Variants in CRPPA observed in about 807,000 individuals in gnomAD.
The protein encoded by CRPPA is D-ribitol-5-phosphate cytidylyltransferase.
A neutral mutation model predicts 52.0 loss-of-function variants in CRPPA; 43 were observed. That is an observed-to-expected ratio of 0.83 (90% CI 0.65 to 1.07). The LOEUF (loss-of-function observed/expected upper bound fraction) is 1.07, where lower values mean the gene tolerates loss of function less well. Ranked by LOEUF, CRPPA falls within the 50% of genes least tolerant of loss-of-function variation. CRPPA has a pLI of 0.00. For missense variants in CRPPA, 629 were observed against 551.7 expected, an observed-to-expected ratio of 1.14 and a Z score of -1.40; for synonymous variants, 250 against 203.5, an observed-to-expected ratio of 1.23 and a Z score of -1.94.
At chr7:16,265,106 T>C (rs894344637) in intron 6 of CRPPA, among the ~76,000 whole-genome samples, 2 of 152,216 alleles carry the variant, frequency 1.3e-5, no homozygotes, top group Admixed American at 1.3e-4. Flanking sequence ...CTGGTAGAGT[T>C]GTAAGCTAAT....
chr7:16,243,384 G>T (rs2128407206), intron 8 of CRPPA, among the ~76,000 whole-genome samples: 1 of 152,094 alleles, frequency 6.6e-6, no homozygotes, highest in Middle Eastern at 3.4e-3. Context: ...ACAGATGATG[G>T]TAAAAATCTG....
chr7:16,342,775 A>T (rs1583533879), intron 3 of CRPPA, among the ~76,000 whole-genome samples: 1 of 39,790 alleles, frequency 2.5e-5, no homozygotes, highest in African/African-American at 8.0e-5. Context: ...AAAAAAAAAA[A>T]AAAAAAAATA....
chr7:16,389,911 T>TCCAAAA (rs1562673584), intron 2 of CRPPA, among the ~76,000 whole-genome samples: 1 of 3,150 alleles, frequency 3.2e-4, no homozygotes, highest in African/African-American at 2.5e-3. Flanking sequence ...AAGCCTAGTA[T>TCCAAAA]ACAAAAAAAA....
At position 16,258,446 on chromosome 7, in the gene CRPPA, G is replaced by C. The variant is rs1783704495; in HGVS notation, c.1063C>G (p.Leu355Val). ...AGACTACTCTCTTCAAGCATGCTCA[G>C]TAACTTCTGGGTTTCTTGAAAATCA... ...TSDFQETQKL[L>V]SMLEESSLCI... The change falls in exon 8 of 10, where the codon CTG becomes GTG. Residue 355 changes from leucine (L) to valine (V), a missense_variant. Transcript: ENST00000407010. 1.2e-6 allele frequency: 2 copies of C among 1,606,460 alleles called. No individual in the cohort carries two copies. The highest frequency in any genetic ancestry group is 4.5e-5 in the East Asian group (2 of 44,562).
intron 9 of CRPPA, among the ~76,000 whole-genome samples, chr7:16,214,135 T>A (rs561819079): frequency 5.3e-5 from 8 of 152,370 alleles, no homozygotes; most frequent in African/African-American, 1.9e-4. Flanking sequence ...ATGTTAAATC[T>A]GAATTTCAAG....
chr7:16,318,971 G>A (rs1785201983), intron 3 of CRPPA, among the ~76,000 whole-genome samples: 1 of 152,164 alleles, frequency 6.6e-6, no homozygotes, highest in Admixed American at 6.5e-5. Flanking sequence ...TTCCATCTTG[G>A]CTATCATCCA....
At position 16,209,273 on chromosome 7, in the gene CRPPA, C is replaced by CTTTTT. The variant is rs34795937; in HGVS notation, c.1251+6788_1251+6792dup. 1.2e-3 allele frequency: 144 copies of CTTTTT among 123,086 alleles called. 17 individuals carry two copies. Among genetic ancestry groups the CTTTTT allele is most frequent in the Non-Finnish European group, 2.1e-3 (119 of 55,880 alleles). The allele number at this position is 123,086 out of a possible 1,614,324, so 7.6% of individuals were successfully genotyped here. A position where few individuals can be genotyped will look rare whatever the true frequency, so the allele number is the denominator to read the frequency against. On this transcript the variant is annotated intron_variant, in intron 9 of 9. Coordinates refer to ENST00000407010, the MANE Select transcript of CRPPA (RefSeq NM_001101426.4). ...GGCCAAGTAATACGGTTCTAAGTGTCTTTTTTTTTTTTTTTTTGAGACGAG... is the reference window on the plus strand; with the variant it reads ...GGCCAAGTAATACGGTTCTAAGTGTCTTTTTTTTTTTTTTTTTTTTTTGAGACGAG...
intron 9 of CRPPA, among the ~76,000 whole-genome samples, chr7:16,212,837 G>A (rs542280743): frequency 3.3e-5 from 5 of 152,130 alleles, no homozygotes; most frequent in African/African-American, 1.2e-4. Flanking sequence ...CCAGTGTGGA[G>A]GGCAACAGAC....
chr7:16,225,612 A>G (rs1259238704), intron 8 of CRPPA, among the ~76,000 whole-genome samples: 1 of 151,978 alleles, frequency 6.6e-6, no homozygotes, highest in East Asian at 1.9e-4. Context: ...TTACAATATC[A>G]TATTTTAGTG....
chr7:16,421,443 A>T lies in CRPPA; in HGVS notation c.-121T>A. 1.0e-6 allele frequency: 1 copy of T among 1,002,104 alleles called. No homozygotes were observed. The highest frequency in any genetic ancestry group is 1.3e-6 in the Non-Finnish European group (1 of 786,464). The allele number at this position is 1,002,104 out of a possible 1,614,324, so 62.1% of individuals were successfully genotyped here. A position where few individuals can be genotyped will look rare whatever the true frequency, so the allele number is the denominator to read the frequency against. ...CACGGAGAGGGACGCAGAGCGCGCA[A>T]GCAGAAGGCGCCCCCCTCAGCCGTC... On this transcript the variant is annotated 5_prime_UTR_variant, in exon 1 of 10. In the 5' UTR this introduces an upstream ATG that the reference lacks. Transcript: ENST00000407010.
At chr7:16,190,165 C>T (rs1167162132) in intron 9 of CRPPA, among the ~76,000 whole-genome samples, 2 of 152,164 alleles carry the variant, frequency 1.3e-5, no homozygotes, top group African/African-American at 4.8e-5. Flanking sequence ...AGCTTGCAGA[C>T]ACATAAACCA....
chr7:16,360,154 T>A (rs1786406076), intron 3 of CRPPA, among the ~76,000 whole-genome samples: 1 of 152,244 alleles, frequency 6.6e-6, no homozygotes, highest in Admixed American at 6.5e-5. Context: ...GATAAAAGTA[T>A]TTTTTAGAAA....
intron 9 of CRPPA, among the ~76,000 whole-genome samples, chr7:16,109,229 C>G (rs1251849425): frequency 6.6e-6 from 1 of 151,714 alleles, no homozygotes; most frequent in Non-Finnish European, 1.5e-5. Context: ...AAAAAGGACA[C>G]ATTACAACTG....
chr7:16,331,010 G>C (rs974549545), intron 3 of CRPPA, among the ~76,000 whole-genome samples: 2 of 151,962 alleles, frequency 1.3e-5, no homozygotes, highest in Non-Finnish European at 2.9e-5. Flanking sequence ...GTTTTGTTTT[G>C]TTTTTTTGAG....
intron 3 of CRPPA, among the ~76,000 whole-genome samples, chr7:16,331,758 T>C (rs143350224): frequency 6.6e-6 from 1 of 152,224 alleles, no homozygotes; most frequent in East Asian, 1.9e-4. Context: ...TGAGGAAGAA[T>C]CTCTGAGCTT....
At chr7:16,312,376 G>T (rs1277140067) in intron 3 of CRPPA, among the ~76,000 whole-genome samples, 1 of 151,898 alleles carries the variant, frequency 6.6e-6, no homozygotes, top group African/African-American at 2.4e-5. Flanking sequence ...GGTTGCTAAC[G>T]TAAAGAGTAA....
intron 9 of CRPPA, among the ~76,000 whole-genome samples, chr7:16,119,776 G>A (rs1213891611): frequency 3.9e-5 from 6 of 152,284 alleles, no homozygotes; most frequent in Non-Finnish European, 7.4e-5. Context: ...ACCAGAGGCC[G>A]GTTTTGGATG....
At position 16,158,722 on chromosome 7, in the gene CRPPA, T is replaced by A. The variant is rs192666551; in HGVS notation, c.1251+57344A>T. Among the ~76,000 whole-genome samples, 1,234 of 152,312 alleles carry A rather than the reference T, an allele frequency of 8.1e-3. 5 individuals are homozygous for A. The highest frequency in any genetic ancestry group is 0.012 in the Non-Finnish European group (828 of 68,020). ...TACTCTTAAAACAGCATAGCTTTCC[T>A]TATATATCCAATAGTATCTATGCTG... is the stretch of plus-strand genomic sequence containing the variant. On this transcript the variant is annotated intron_variant, in intron 9 of 9. Coordinates refer to ENST00000407010, the MANE Select transcript of CRPPA (RefSeq NM_001101426.4).
intron 5 of CRPPA, among the ~76,000 whole-genome samples, chr7:16,286,361 T>C (rs1211232871): frequency 1.3e-5 from 2 of 151,812 alleles, no homozygotes; most frequent in Non-Finnish European, 2.9e-5. Flanking sequence ...ATTTTGGACT[T>C]ACCAGCCTCC....
Sources: gnomAD v4.1 joint callset for allele counts (sites outside exome capture counted in the v4.1 genomes callset) on GRCh38, gnomAD v4.1.1 for gene constraint, MANE v1.5 for transcripts, NCBI Gene and HGNC (gene_info 2026-07-23, HGNC 2026-07-21) for gene names.